FOCAD: variants seen among roughly 807,000 people sequenced by gnomAD.
FOCAD encodes the protein KIAA1797.
Under a neutral mutation model 225.6 loss-of-function variants are expected in FOCAD, and 198 were observed. That is an observed-to-expected ratio of 0.88 (90% CI 0.78 to 0.99). The LOEUF (loss-of-function observed/expected upper bound fraction) is 0.99. FOCAD is among the 50% of genes least tolerant of loss of function. The pLI, the probability that FOCAD is intolerant of heterozygous loss-of-function variation, is 0.00. For missense variants in FOCAD, 2,713 were observed against 2,123.6 expected, an observed-to-expected ratio of 1.28 and a Z score of -5.46; for synonymous variants, 897 against 755.0, an observed-to-expected ratio of 1.19 and a Z score of -3.08.
At chr9:20,878,616 C>A (rs867080179) in intron 19 of FOCAD, among the ~76,000 whole-genome samples, 11 of 152,118 alleles carry the variant, frequency 7.2e-5, no homozygotes, top group Admixed American at 6.5e-4. Flanking sequence ...TTCTCCAATA[C>A]CAAATCTATT....
chr9:20,866,872 T>C (rs1829308934), intron 17 of FOCAD, 57 bp from the exon 18 acceptor site: 1 of 1,151,724 alleles, frequency 8.7e-7, no homozygotes, highest in African/African-American at 1.6e-5. Flanking sequence ...GCATGTTGTG[T>C]TTTTTTGTTT....
intron 35 of FOCAD, among the ~76,000 whole-genome samples, chr9:20,958,749 A>C (rs935284895): frequency 2.6e-5 from 4 of 152,024 alleles, no homozygotes; most frequent in Admixed American, 1.3e-4. Flanking sequence ...TGAGAGATCA[A>C]CTTTCTTTTT....
intron 15 of FOCAD, among the ~76,000 whole-genome samples, chr9:20,836,823 G>A (rs1826037160): frequency 6.6e-6 from 1 of 151,814 alleles, no homozygotes; most frequent in Non-Finnish European, 1.5e-5. Flanking sequence ...AACGGGTAGG[G>A]AATTAAAAAA....
chr9:20,879,620 T>A (rs1281804621), intron 19 of FOCAD, among the ~76,000 whole-genome samples: 1 of 152,230 alleles, frequency 6.6e-6, no homozygotes, highest in African/African-American at 2.4e-5. Context: ...TCTGACACTT[T>A]GTGTCCTACG....
At chr9:20,732,511 G>A (rs1434389261) in intron 4 of FOCAD, among the ~76,000 whole-genome samples, 2 of 152,172 alleles carry the variant, frequency 1.3e-5, no homozygotes, top group South Asian at 2.1e-4. Flanking sequence ...TGGAAAGGTA[G>A]GTGGGATTCA....
chr9:20,741,008 C>T (rs567638988), intron 5 of FOCAD, among the ~76,000 whole-genome samples: 4 of 152,044 alleles, frequency 2.6e-5, no homozygotes, highest in Non-Finnish European at 5.9e-5. Flanking sequence ...GCAGAGGACC[C>T]AGAAGATGCA....
intron 2 of FOCAD, among the ~76,000 whole-genome samples, chr9:20,660,859 A>G (rs7853387): frequency 1.3e-5 from 2 of 152,196 alleles, no homozygotes; most frequent in African/African-American, 4.8e-5. Flanking sequence ...ATGGCAGAGA[A>G]GGATATGAGA....
chr9:20,757,006 C>G (rs909697866), intron 5 of FOCAD, among the ~76,000 whole-genome samples: 2 of 152,036 alleles, frequency 1.3e-5, no homozygotes, highest in Admixed American at 6.5e-5. Context: ...ATCAGTTCAC[C>G]GCAACCTCCG....
intron 11 of FOCAD, among the ~76,000 whole-genome samples, chr9:20,816,663 A>G (rs1285593382): frequency 1.3e-5 from 2 of 152,114 alleles, no homozygotes; most frequent in Admixed American, 1.3e-4. Context: ...ATGTCTTCGA[A>G]GGTTAGAAGG....
intron 42 of FOCAD, among the ~76,000 whole-genome samples, chr9:20,991,094 G>T (rs577355534): frequency 6.6e-6 from 1 of 152,276 alleles, no homozygotes; most frequent in South Asian, 2.1e-4. Flanking sequence ...GTCATGTTGA[G>T]GGCTTTGTAT....
chr9:20,782,501 C>G (rs555987439), intron 10 of FOCAD, among the ~76,000 whole-genome samples: 3 of 152,166 alleles, frequency 2.0e-5, no homozygotes, highest in Non-Finnish European at 4.4e-5. Flanking sequence ...TGCCTCATTC[C>G]GCTTTTTCAG....
At chr9:20,782,935 A>T (rs764354510) in intron 10 of FOCAD, among the ~76,000 whole-genome samples, 5 of 152,240 alleles carry the variant, frequency 3.3e-5, no homozygotes, top group Non-Finnish European at 7.3e-5. Context: ...TTAAAACTTG[A>T]AACAGGTAAT....
chr9:20,887,991 C>A (rs1467048382), intron 21 of FOCAD, among the ~76,000 whole-genome samples: 1 of 150,364 alleles, frequency 6.7e-6, no homozygotes, highest in African/African-American at 2.4e-5. Context: ...TATCTGTTTT[C>A]TTCCTGAAGT....
At chr9:20,957,494 T>TTTTTTTTTTTTTTTTTA (rs1838283980) in intron 35 of FOCAD, 2 of 138,164 alleles carry the variant, frequency 1.4e-5, no homozygotes, top group Admixed American at 7.4e-5. Context: ...TTTTTTTTTT[T>TTTTTTTTTTTTTTTTTA]GAGACAGTCT....
chr9:20,807,782 G>A (rs766901516), intron 11 of FOCAD, among the ~76,000 whole-genome samples: 5 of 152,150 alleles, frequency 3.3e-5, no homozygotes, highest in African/African-American at 7.2e-5. Flanking sequence ...GGGTGTGGTG[G>A]TTCACGCCTG....
chr9:20,874,566 A>T, intron 18 of FOCAD, 115 bp from the exon 19 acceptor site: 2 of 993,552 alleles, frequency 2.0e-6, no homozygotes, highest in Non-Finnish European at 3.0e-6. Context: ...TTTATGTTAT[A>T]GAGTGATGGA....
intron 8 of FOCAD, among the ~76,000 whole-genome samples, chr9:20,774,181 C>T (rs537158023): frequency 3.0e-4 from 46 of 152,126 alleles, no homozygotes; most frequent in Non-Finnish European, 5.9e-4. Context: ...TCCATGAAAC[C>T]AGCCCCTGGT....
At chr9:20,947,886 T>C (rs1837329873) in intron 30 of FOCAD, among the ~76,000 whole-genome samples, 1 of 152,184 alleles carries the variant, frequency 6.6e-6, no homozygotes, top group South Asian at 2.1e-4. Flanking sequence ...TGTAGAATTT[T>C]TCATATACTT....
Position 20,867,026 on chromosome 9 carries a change from CT to C in FOCAD, c.2190+17del. On this transcript the variant is annotated intron_variant, in intron 18 of 43. Transcript: ENST00000338382. ...CTGCCTGAAAAGGTAGGCATATCTGCTTTCTCACTGGTATTTCTTAATTTGC... is the reference window on the plus strand; with the variant it reads ...CTGCCTGAAAAGGTAGGCATATCTGCTTCTCACTGGTATTTCTTAATTTGC... 4 of 1,507,466 alleles carry C rather than the reference CT, an allele frequency of 2.7e-6. No individual in the cohort carries two copies. Among genetic ancestry groups the C allele is most frequent in the Non-Finnish European group, 2.7e-6 (3 of 1,103,102 alleles). The allele number at this position is 1,507,466 out of a possible 1,614,324, so 93.4% of individuals were successfully genotyped here. A position where few individuals can be genotyped will look rare whatever the true frequency, so the allele number is the denominator to read the frequency against.
Sources: gnomAD v4.1 joint callset for allele counts (sites outside exome capture counted in the v4.1 genomes callset) on GRCh38, gnomAD v4.1.1 for gene constraint, MANE v1.5 for transcripts, NCBI Gene and HGNC (gene_info 2026-07-23, HGNC 2026-07-21) for gene names.